The following ROBO1 variants were observed in gnomAD, a reference collection of about 807,000 sequenced individuals.
The protein encoded by ROBO1 is roundabout guidance receptor 1.
In ROBO1, 149 loss-of-function variants were observed where a neutral mutation model predicts 195.9. That is an observed-to-expected ratio of 0.76 (90% CI 0.67 to 0.87). The LOEUF (loss-of-function observed/expected upper bound fraction) is 0.87, where lower values mean the gene tolerates loss of function less well. ROBO1 is among the 40% of genes least tolerant of loss of function. The probability of loss-of-function intolerance (pLI) is 0.00; values close to 1 mark genes in which losing one functional copy is unlikely to be tolerated. For missense variants in ROBO1, 1,933 were observed against 2,068.3 expected (o/e 0.93, Z 1.27); for synonymous variants, 816 against 733.2 (o/e 1.11, Z -1.82).
intron 18 of ROBO1, among the ~76,000 whole-genome samples, chr3:78,653,002 C>T (rs1559699272): frequency 6.6e-6 from 1 of 152,046 alleles, no homozygotes; most frequent in Non-Finnish European, 1.5e-5. Flanking sequence ...TGATGTTCTT[C>T]CCCCACCACA....
intron 4 of ROBO1, among the ~76,000 whole-genome samples, chr3:78,826,216 C>A (rs940914048): frequency 6.6e-6 from 1 of 152,164 alleles, no homozygotes; most frequent in African/African-American, 2.4e-5. Context: ...AAGCATTACT[C>A]CTTTAGTCTC....
chr3:78,917,932 T>C (rs1337011086), intron 4 of ROBO1, among the ~76,000 whole-genome samples: 1 of 152,194 alleles, frequency 6.6e-6, no homozygotes, highest in Non-Finnish European at 1.5e-5. Context: ...TGAATTCATA[T>C]TAATATTTAA....
At chr3:79,570,913 G>T (rs1943256446) in intron 2 of ROBO1, among the ~76,000 whole-genome samples, 1 of 152,084 alleles carries the variant, frequency 6.6e-6, no homozygotes, top group African/African-American at 2.4e-5. Context: ...CCTGGAGCAG[G>T]ACTATTTGAG....
intron 3 of ROBO1, among the ~76,000 whole-genome samples, chr3:79,045,790 T>G (rs2078579553): frequency 6.6e-6 from 1 of 152,136 alleles, no homozygotes; most frequent in Admixed American, 6.6e-5. Flanking sequence ...CTTCTCCAAT[T>G]TCTCCAAATA....
Position 79,095,209 on chromosome 3 carries a change from C to G in ROBO1, c.172+30247G>C, listed in dbSNP as rs575013382. The stretch of plus-strand genomic sequence containing the variant: ...GTATGCAAATTTTTTGATATTCCTT[C>G]ATTCAAGAGGTGTTGCTCAATTTTC... On this transcript the variant is annotated intron_variant, in intron 3 of 30. Transcript: ENST00000464233. 1.3e-4 allele frequency among the ~76,000 whole-genome samples: 20 copies of G among 152,108 alleles called. No homozygotes were observed. The East Asian group carries it at 2.7e-3, about 21-fold the overall frequency.
intron 4 of ROBO1, among the ~76,000 whole-genome samples, chr3:78,844,618 T>C (rs1274517191): frequency 1.3e-5 from 2 of 152,048 alleles, no homozygotes; most frequent in Non-Finnish European, 2.9e-5. Flanking sequence ...TTGGGTAACA[T>C]TGTTCTCCCT....
Position 79,588,978 on chromosome 3 carries a change from T to C in ROBO1, c.88+846A>G, listed in dbSNP as rs147879372. On this transcript the variant is annotated intron_variant, in intron 2 of 30. Coordinates refer to ENST00000464233, the MANE Select transcript of ROBO1 (RefSeq NM_002941.4). ...GTGTGGATGAACATGACAAGTTACA[T>C]ATAGTTGCTGAATATCAAAATAAAT... 5.9e-4 allele frequency among the ~76,000 whole-genome samples: 89 copies of C among 151,802 alleles called. No homozygotes were observed. In the East Asian group the frequency reaches 0.015, roughly 26 times the overall value.
chr3:78,769,618 G>GTTTTTTTT (rs34157314), intron 4 of ROBO1, among the ~76,000 whole-genome samples: 5 of 84,014 alleles, frequency 6.0e-5, no homozygotes, highest in Admixed American at 1.3e-4. Flanking sequence ...GTGTACTTTG[G>GTTTTTTTT]TTTTTTTTTT....
chr3:79,644,029 G>A (rs945306526), intron 1 of ROBO1, among the ~76,000 whole-genome samples: 1 of 152,086 alleles, frequency 6.6e-6, no homozygotes, highest in Non-Finnish European at 1.5e-5. Flanking sequence ...AATATTTGAT[G>A]CAACTGGGAA....
chr3:79,519,402 G>A (rs1300292048), intron 2 of ROBO1, among the ~76,000 whole-genome samples: 1 of 151,882 alleles, frequency 6.6e-6, no homozygotes, highest in African/African-American at 2.4e-5. Context: ...AGGCCGAAAC[G>A]GGTGGATCAC....
chr3:79,222,785 T>C (rs1320016987), intron 2 of ROBO1, among the ~76,000 whole-genome samples: 1 of 152,154 alleles, frequency 6.6e-6, no homozygotes. Flanking sequence ...GAAAAATACT[T>C]GGTTATGTCT....
At chr3:78,944,427 G>A (rs2040304170) in intron 3 of ROBO1, among the ~76,000 whole-genome samples, 1 of 152,218 alleles carries the variant, frequency 6.6e-6, no homozygotes, top group South Asian at 2.1e-4. Context: ...GCCAGAAAGT[G>A]AGCCCTCATC....
intron 1 of ROBO1, among the ~76,000 whole-genome samples, chr3:79,601,754 A>G (rs1249118282): frequency 2.0e-5 from 3 of 151,988 alleles, no homozygotes; most frequent in African/African-American, 7.2e-5. Context: ...ACCAATATTT[A>G]CCAGAGCAAA....
At chr3:79,284,990 G>A (rs923828908) in intron 2 of ROBO1, among the ~76,000 whole-genome samples, 1 of 151,748 alleles carries the variant, frequency 6.6e-6, no homozygotes, top group Non-Finnish European at 1.5e-5. Context: ...GGTTATTCTG[G>A]GTTTTTAAAA....
In ROBO1 at chr3:78,597,957, A is replaced by AT. The variant is rs1702934507; in HGVS notation, c.*955_*956insA. 1 of 152,206 alleles carries AT rather than the reference A, an allele frequency of 6.6e-6. No individual in the cohort carries two copies. Among genetic ancestry groups the AT allele is most frequent in the African/African-American group, 2.4e-5 (1 of 41,368 alleles). 9.4% of individuals were successfully genotyped at this position (152,206 alleles called of 1,614,324 possible). A position where few individuals can be genotyped will look rare whatever the true frequency, so the allele number is the denominator to read the frequency against. On this transcript the variant is annotated 3_prime_UTR_variant, in exon 31 of 31. Transcript: ENST00000464233. Reference sequence around the variant, plus strand: ...TGATTGTGCTTTTAAAACCAAAAAAAAAAAAAAAAAGAGAGAGAGATTAAA... The same window carrying AT: ...TGATTGTGCTTTTAAAACCAAAAAAATAAAAAAAAAAGAGAGAGAGATTAAA...
intron 2 of ROBO1, among the ~76,000 whole-genome samples, chr3:79,207,936 T>C (rs1301868352): frequency 2.0e-5 from 3 of 152,142 alleles, no homozygotes; most frequent in Non-Finnish European, 4.4e-5. Context: ...CTAAATCATC[T>C]CTTAATAATT....
At chr3:79,569,716 T>C (rs1010865354) in intron 2 of ROBO1, among the ~76,000 whole-genome samples, 2 of 151,302 alleles carry the variant, frequency 1.3e-5, no homozygotes, top group Non-Finnish European at 3.0e-5. Context: ...TGTGTATATA[T>C]ATATGTGTGT....
chr3:79,346,442 T>C (rs905303150), intron 2 of ROBO1, among the ~76,000 whole-genome samples: 1 of 152,174 alleles, frequency 6.6e-6, no homozygotes. Flanking sequence ...GTCTTAAACA[T>C]ACAGGCTGAC....
chr3:78,808,659 A>T (rs557227252), intron 4 of ROBO1, among the ~76,000 whole-genome samples: 1 of 152,238 alleles, frequency 6.6e-6, no homozygotes, highest in Admixed American at 6.5e-5. Context: ...TATACTGTTA[A>T]AAGCAATCCT....
Sources: gnomAD v4.1 joint callset for allele counts (sites outside exome capture counted in the v4.1 genomes callset) on GRCh38, gnomAD v4.1.1 for gene constraint, MANE v1.5 for transcripts, NCBI Gene and HGNC (gene_info 2026-07-23, HGNC 2026-07-21) for gene names.